The following PARP11 variants were observed in gnomAD, a reference collection of about 807,000 sequenced individuals.
PARP11 encodes the protein poly(ADP-ribose) polymerase family member 11, also known as protein mono-ADP-ribosyltransferase PARP11.
PARP11 carries 31 observed loss-of-function variants against 42.9 expected under a neutral mutation model. The observed-to-expected ratio is 0.72, with a 90% CI of 0.54 to 0.98. The LOEUF is 0.98. Ranked by LOEUF, PARP11 falls within the 50% of genes least tolerant of loss-of-function variation. The pLI is 0.00. For synonymous variants in PARP11, 137 were observed against 127.3 expected (o/e 1.08, Z -0.51); for missense variants, 365 against 413.1 (o/e 0.88, Z 1.01).
chr12:3,873,252 G>A lies in PARP11; in HGVS notation c.-23C>T, dbSNP rs1025322553. ...CATAACGGTGACAAAATCGAGCGGA[G>A]AGAGCCTGTGGGAAGGGGCTAGCCG... is the stretch of plus-strand genomic sequence containing the variant. On this transcript the variant is annotated 5_prime_UTR_variant, in exon 1 of 8. Coordinates refer to ENST00000228820, the MANE Select transcript of PARP11 (RefSeq NM_020367.6). 3 of 1,550,234 alleles carry A rather than the reference G, an allele frequency of 1.9e-6. No homozygotes were observed. The highest frequency in any genetic ancestry group is 2.4e-5 in the East Asian group (1 of 40,864).
Position 3,840,730 on chromosome 12 carries a change from T to A in PARP11, c.19-10712A>T. On this transcript the variant is annotated intron_variant, in intron 1 of 7. Transcript: ENST00000228820. This position sits in a 1 kb window ranked among gnomAD's most constrained non-coding sequence, Gnocchi z 4.4. Reference sequence around the variant, plus strand: ...AAGAACGAAAAGACAAAGACTCTATTCATGGACATAGTTGGATAAAAGACC... The same window carrying A: ...AAGAACGAAAAGACAAAGACTCTATACATGGACATAGTTGGATAAAAGACC... The A allele has an allele frequency of 1.5e-6, 2 of 1,292,070 alleles. No homozygotes were observed. The allele number at this position is 1,292,070 out of a possible 1,614,324, so 80.0% of individuals were successfully genotyped here.
chr12:3,842,465 G>A, intron 1 of PARP11: 1 of 1,607,122 alleles, frequency 6.2e-7, no homozygotes. Context: ...CCATTTAGGG[G>A]AGATAGGAGG....
chr12:3,838,701 TTCTTAG>T (rs1244829830), intron 1 of PARP11, among the ~76,000 whole-genome samples: 1 of 152,232 alleles, frequency 6.6e-6, no homozygotes, highest in African/African-American at 2.4e-5. Flanking sequence ...AAATGGACAA[TTCTTAG>T]TCTTAGCAAG....
intron 1 of PARP11, among the ~76,000 whole-genome samples, chr12:3,857,552 A>G (rs369423151): frequency 1.1e-4 from 16 of 152,306 alleles, no homozygotes; most frequent in African/African-American, 2.9e-4. Flanking sequence ...TAATACACAT[A>G]TAAGTGTAAA....
At chr12:3,824,566 C>A in intron 4 of PARP11, 1 of 822,988 alleles carries the variant, frequency 1.2e-6, no homozygotes, top group Non-Finnish European at 1.5e-6. Flanking sequence ...CCTTCAACAC[C>A]CTATTGTATC....
chr12:3,852,611 C>G (rs1432323302), intron 1 of PARP11, among the ~76,000 whole-genome samples: 2 of 152,116 alleles, frequency 1.3e-5, no homozygotes, highest in African/African-American at 4.8e-5. Context: ...TGAACAAAGC[C>G]TCCAAAAAAT....
chr12:3,826,023 C>T, intron 4 of PARP11, 135 bp downstream of exon 4: 6 of 559,712 alleles, frequency 1.1e-5, no homozygotes, highest in Non-Finnish European at 1.9e-5. Context: ...GCCACTGCGC[C>T]TGGCCCAAGA....
In PARP11 at chr12:3,826,147, C is replaced by T; in HGVS notation, c.344+11G>A. 1 of 1,550,868 alleles carries T rather than the reference C, an allele frequency of 6.4e-7. No homozygotes were observed. Among genetic ancestry groups the T allele is most frequent in the Non-Finnish European group, 8.7e-7 (1 of 1,145,918 alleles). On this transcript the variant is annotated intron_variant, in intron 4 of 7. Coordinates refer to ENST00000228820, the MANE Select transcript of PARP11 (RefSeq NM_020367.6). ...AACCCACTCTTTCCACCCCTATTCT[C>T]TTTACCATACCTGAAAGCACTGATA...
chr12:3,870,209 G>A (rs1028218681), intron 1 of PARP11, among the ~76,000 whole-genome samples: 4 of 152,172 alleles, frequency 2.6e-5, no homozygotes, highest in African/African-American at 9.7e-5. Context: ...CACGTAGAAT[G>A]TTGATTTTTA....
At chr12:3,813,962 T>C in intron 7 of PARP11, 75 bp downstream of exon 7, 1 of 1,141,296 alleles carries the variant, frequency 8.8e-7, no homozygotes, top group African/African-American at 1.6e-5. Flanking sequence ...GCAGTTCATA[T>C]TTATATTTAT....
At chr12:3,859,613 T>C (rs2138113173) in intron 1 of PARP11, among the ~76,000 whole-genome samples, 1 of 148,400 alleles carries the variant, frequency 6.7e-6, no homozygotes, top group Middle Eastern at 3.5e-3. Flanking sequence ...TGCAATTAAA[T>C]AATAGTATTA....
chr12:3,840,133 A>T lies in PARP11; in HGVS notation c.19-10115T>A. ...AGCTCAGCAAAAACGTGATTATTCC[A>T]TTGCTGCTGGCTTACAATATGAAGT... On this transcript the variant is annotated intron_variant, in intron 1 of 7. Transcript: ENST00000228820. This position sits in a 1 kb window ranked among gnomAD's most constrained non-coding sequence, Gnocchi z 4.4. The T allele has an allele frequency of 6.2e-7, 1 of 1,610,918 alleles. No individual in the cohort carries two copies. The highest frequency in any genetic ancestry group is 1.1e-5 in the South Asian group (1 of 91,020).
At chr12:3,826,276 C>CTTTATAGTACAG in intron 3 of PARP11, 43 bp from the exon 4 acceptor site, 3 of 1,399,062 alleles carry the variant, frequency 2.1e-6, no homozygotes, top group Non-Finnish European at 3.0e-6. Flanking sequence ...TAAAAGTACA[C>CTTTATAGTACAG]TGTACTATAA....
chr12:3,839,247 C>A (rs1947837764), intron 1 of PARP11, among the ~76,000 whole-genome samples: 1 of 150,852 alleles, frequency 6.6e-6, no homozygotes, highest in Non-Finnish European at 1.5e-5. Flanking sequence ...GAGCAGCCGG[C>A]GGCCTGGCCA....
chr12:3,828,520 C>T (rs1383743027), intron 3 of PARP11, among the ~76,000 whole-genome samples: 1 of 148,414 alleles, frequency 6.7e-6, no homozygotes, highest in African/African-American at 2.5e-5. Context: ...TGCACACCAG[C>T]CTGGGCAACA....
At chr12:3,827,651 A>C (rs1947554585) in intron 3 of PARP11, among the ~76,000 whole-genome samples, 2 of 152,154 alleles carry the variant, frequency 1.3e-5, no homozygotes, top group Non-Finnish European at 2.9e-5. Flanking sequence ...AATGGTTTTT[A>C]ACTCTTGATA....
At chr12:3,815,954 G>A (rs1357741998) in intron 6 of PARP11, among the ~76,000 whole-genome samples, 2 of 152,156 alleles carry the variant, frequency 1.3e-5, no homozygotes, top group Admixed American at 6.5e-5. Flanking sequence ...AAACGCATAC[G>A]GTCTTTCTCA....
In PARP11 at chr12:3,828,948, A is replaced by G. The variant is rs374976574; in HGVS notation, c.230T>C (p.Phe77Ser). ...CTTGTAGCTGAATTTGGAAGTAGTA[A>G]AAGAAATGGAGCCACAAGGGTTTGT... ...FKTNPCGSISFTTSKFSYKID... is the reference protein window; with the variant it reads ...FKTNPCGSISSTTSKFSYKID... Residue 77 changes from phenylalanine to serine, a missense_variant, in exon 3 of 8, where the codon TTT (phenylalanine) becomes TCT (serine). Phe to Ser is a radical substitution (Grantham distance 155). Coordinates refer to ENST00000228820, the MANE Select transcript of PARP11 (RefSeq NM_020367.6). The G allele has an allele frequency of 1.3e-5, 21 of 1,613,998 alleles. No homozygotes were observed. In the African/African-American group the frequency reaches 2.7e-4, roughly 21 times the overall value.
intron 1 of PARP11, among the ~76,000 whole-genome samples, chr12:3,854,767 CT>C (rs1948162811): frequency 6.6e-6 from 1 of 152,164 alleles, no homozygotes; most frequent in Admixed American, 6.5e-5. Context: ...GGAATCCCCC[CT>C]AACTCATTTT....
Sources: allele counts gnomAD v4.1 joint callset (sites outside exome capture counted in the v4.1 genomes callset), GRCh38; gene constraint gnomAD v4.1.1; non-coding constraint Gnocchi (gnomAD v3.1); transcripts MANE v1.5; gene names NCBI Gene and HGNC (gene_info 2026-07-23, HGNC 2026-07-21).